The following SLC35A5 variants were observed in gnomAD, a reference collection of about 807,000 sequenced individuals.
SLC35A5 encodes the protein UDP-sugar transporter protein SLC35A5.
Under a neutral mutation model 36.3 loss-of-function variants are expected in SLC35A5, and 28 were observed. The ratio of observed to expected loss-of-function variants is 0.77; its 90% CI spans 0.57 to 1.06. The LOEUF is 1.06. SLC35A5 is among the 50% of genes least tolerant of loss of function. The pLI is 0.00. For missense variants in SLC35A5, 521 were observed against 499.3 expected, an observed-to-expected ratio of 1.04 and a Z score of -0.41; for synonymous variants, 180 against 173.7, an observed-to-expected ratio of 1.04 and a Z score of -0.29.
At chr3:112,564,793 G>T (rs369535380) in intron 2 of SLC35A5, among the ~76,000 whole-genome samples, 1 of 152,192 alleles carries the variant, frequency 6.6e-6, no homozygotes, top group Non-Finnish European at 1.5e-5. Context: ...TTAGGGAGTG[G>T]TGATGACTCT....
In SLC35A5 at chr3:112,563,407, G is replaced by C; in HGVS notation, c.4G>C (p.Glu2Gln). Residue 2 changes from glutamate to glutamine, a missense_variant, in exon 2 of 7, where the codon GAA becomes CAA. Physicochemically the swap from Glu to Gln is conservative, Grantham distance 29. Coordinates refer to ENST00000492406, the MANE Select transcript of SLC35A5 (RefSeq NM_017945.5). Reference sequence around the variant, plus strand: ...AAGGTAATTAAAAAACAGTGGAATGGAAAAACAGTGCTGTAGTCATCCTGT... The same window carrying C: ...AAGGTAATTAAAAAACAGTGGAATGCAAAAACAGTGCTGTAGTCATCCTGT... M[E>Q]KQCCSHPVIC... 6.6e-7 allele frequency: 1 copy of C among 1,508,230 alleles called. No individual in the cohort carries two copies. The allele number at this position is 1,508,230 out of a possible 1,614,324, so 93.4% of individuals were successfully genotyped here.
chr3:112,582,147 T>C (rs373013576), intron 6 of SLC35A5, among the ~76,000 whole-genome samples: 1 of 152,290 alleles, frequency 6.6e-6, no homozygotes, highest in East Asian at 1.9e-4. Flanking sequence ...CATTTCACTC[T>C]TTGGGAAAAA....
In SLC35A5 at chr3:112,580,734, CA is replaced by C. The variant is rs1469579349; in HGVS notation, c.618del (p.Ala207GlnfsTer31). 9 of 1,614,058 alleles carry C rather than the reference CA, an allele frequency of 5.6e-6. No homozygotes were observed. The East Asian group carries it at 1.8e-4, about 32-fold the overall frequency. On this transcript the variant is annotated frameshift_variant, in exon 6 of 7. Coordinates refer to ENST00000492406, the MANE Select transcript of SLC35A5 (RefSeq NM_017945.5). LOFTEE classifies it high-confidence loss of function. ...RSECPRKDNC[T>X]AKEWTFPEAK... is the part of the protein sequence containing the mutation. Reference sequence around the variant, plus strand: ...GAGTGTCCCAGAAAAGACAATTGTACAGCAAAGGAATGGACTTTTCCTGAAG... The same window carrying C: ...GAGTGTCCCAGAAAAGACAATTGTACGCAAAGGAATGGACTTTTCCTGAAG...
chr3:112,569,110 C>A, intron 2 of SLC35A5, 61 bp from the exon 3 acceptor site: 2 of 1,261,480 alleles, frequency 1.6e-6, no homozygotes, highest in Admixed American at 1.9e-5. Flanking sequence ...TTATGTTATA[C>A]TGTATATAAA....
chr3:112,580,629 T>C lies in SLC35A5; in HGVS notation c.512T>C (p.Leu171Ser), dbSNP rs377381804. The change falls in exon 6 of 7, where the codon TTA (leucine) becomes TCA (serine). Residue 171 changes from leucine (L) to serine (S), a missense_variant. Coordinates refer to ENST00000492406, the MANE Select transcript of SLC35A5 (RefSeq NM_017945.5). ...GCCTTGACTGCCGGGACTAAAACTT[T>C]ACAGCACAACTTGGCAGGACGTGGA... is the stretch of plus-strand genomic sequence containing the variant. Reference protein sequence around the residue: ...IVALTAGTKTLQHNLAGRGFH... With the variant: ...IVALTAGTKTSQHNLAGRGFH... 2 of 1,614,140 alleles carry C rather than the reference T, an allele frequency of 1.2e-6. No homozygotes were observed. Among genetic ancestry groups the C allele is most frequent in the Admixed American group, 1.7e-5 (1 of 60,024 alleles).
intron 1 of SLC35A5, among the ~76,000 whole-genome samples, chr3:112,562,710 A>G (rs1933981850): frequency 6.6e-6 from 1 of 152,344 alleles, no homozygotes; most frequent in East Asian, 1.9e-4. Context: ...CTCCGAGGGA[A>G]AAGAGGAGGA....
intron 4 of SLC35A5, 61 bp from the exon 5 acceptor site, chr3:112,573,828 A>G (rs753582946): frequency 5.3e-5 from 75 of 1,413,076 alleles, no homozygotes; most frequent in Non-Finnish European, 7.2e-5. Context: ...CTGCCAAGCT[A>G]AGACATTTCT....
intron 4 of SLC35A5, among the ~76,000 whole-genome samples, chr3:112,571,686 A>G (rs1934444275): frequency 6.6e-6 from 1 of 152,210 alleles, no homozygotes; most frequent in African/African-American, 2.4e-5. Context: ...CATGTCTTAC[A>G]TGGCAGCAGG....
chr3:112,566,659 A>G (rs1490821158), intron 2 of SLC35A5, among the ~76,000 whole-genome samples: 1 of 152,240 alleles, frequency 6.6e-6, no homozygotes, highest in African/African-American at 2.4e-5. Context: ...ACATCATGAT[A>G]AGCTAAAGAT....
chr3:112,561,480 C>G, upstream of SLC35A5: 1 of 1,613,444 alleles, frequency 6.2e-7, no homozygotes, highest in Non-Finnish European at 8.5e-7. Flanking sequence ...GTCAGGTACT[C>G]AGCCACTTCC....
chr3:112,574,020 T>A, intron 5 of SLC35A5, 64 bp downstream of exon 5: 1 of 1,396,130 alleles, frequency 7.2e-7, no homozygotes, highest in South Asian at 1.2e-5. Flanking sequence ...TTTCAAATGA[T>A]ATACCCAGAA....
At position 112,573,835 on chromosome 3, in the gene SLC35A5, T is replaced by C. The variant is rs183510510; in HGVS notation, c.361-54T>C. On this transcript the variant is annotated intron_variant, in intron 4 of 6. Transcript: ENST00000492406. The stretch of plus-strand genomic sequence containing the variant: ...CAGGTGAACTGCCAAGCTAAGACAT[T>C]TCTGAGGTCAGTACTTCATTTGGAT... 8.0e-5 allele frequency: 118 copies of C among 1,468,470 alleles called. No individual in the cohort carries two copies. In the East Asian group the frequency reaches 2.3e-3, roughly 28 times the overall value. The allele number at this position is 1,468,470 out of a possible 1,614,324, so 91.0% of individuals were successfully genotyped here. A position where few individuals can be genotyped will look rare whatever the true frequency, so the allele number is the denominator to read the frequency against.
rs1173349117 is a variant in SLC35A5 at position 112,584,280 on chromosome 3, A to G, written c.*1544A>G. On this transcript the variant is annotated 3_prime_UTR_variant, in exon 7 of 7. Coordinates refer to ENST00000492406, the MANE Select transcript of SLC35A5 (RefSeq NM_017945.5). ...TCTCTTTAAGTAGATCTTTACTTCT[A>G]ACAATAACAAAGGCATTTTCATCAG... 1 of 152,216 alleles carries G rather than the reference A, an allele frequency of 6.6e-6. No individual in the cohort carries two copies. Among genetic ancestry groups the G allele is most frequent in the Non-Finnish European group, 1.5e-5 (1 of 68,032 alleles). The allele number at this position is 152,216 out of a possible 1,614,324, so 9.4% of individuals were successfully genotyped here.
rs898547017 is a variant in SLC35A5, at chr3:112,581,276, C to G, written c.1159C>G (p.Gln387Glu). 5 of 1,613,050 alleles carry G rather than the reference C, an allele frequency of 3.1e-6. No homozygotes were observed. Among genetic ancestry groups the G allele is most frequent in the African/African-American group, 2.7e-5 (2 of 74,758 alleles). ...KPQVPEYAPRQERIRDLSGNL... is the reference protein window; with the variant it reads ...KPQVPEYAPREERIRDLSGNL... ...TCAAGTTCCGGAATACGCACCTAGG[C>G]AAGAAAGGATCCGAGATCTAAGTGG... The change falls in exon 6 of 7, where the codon CAA (glutamine) becomes GAA (glutamate). Residue 387 changes from glutamine (Q) to glutamate (E), a missense_variant. Physicochemically the swap from Gln to Glu is conservative, Grantham distance 29. Transcript: ENST00000492406.
At chr3:112,572,639 A>G (rs1410657421) in intron 4 of SLC35A5, among the ~76,000 whole-genome samples, 1 of 152,206 alleles carries the variant, frequency 6.6e-6, no homozygotes, top group Non-Finnish European at 1.5e-5. Context: ...CTGATTGTGA[A>G]CAACCATATA....
At chr3:112,561,849 T>TTTTTTCATGCTACGG, upstream of SLC35A5, 1 of 360,680 alleles carries the variant, frequency 2.8e-6, no homozygotes, top group Non-Finnish European at 5.1e-6. Context: ...CACGCACCCC[T>TTTTTTCATGCTACGG]CGCCCTCTGC....
intron 4 of SLC35A5, among the ~76,000 whole-genome samples, chr3:112,573,130 G>A (rs571065827): frequency 2.0e-5 from 3 of 152,178 alleles, no homozygotes; most frequent in South Asian, 2.1e-4. Flanking sequence ...ATCTTTTGGG[G>A]TTTAATCACC....
At chr3:112,576,534 A>G (rs1405348750) in intron 5 of SLC35A5, among the ~76,000 whole-genome samples, 2 of 152,140 alleles carry the variant, frequency 1.3e-5, no homozygotes, top group African/African-American at 4.8e-5. Context: ...AGTCCATTAA[A>G]CAACTCTCCT....
upstream of SLC35A5, chr3:112,561,808 G>C (rs1361887502): frequency 8.9e-6 from 4 of 449,122 alleles, no homozygotes; most frequent in East Asian, 1.8e-4. Flanking sequence ...CAGCGGGGCC[G>C]AAGGGAGACC....
Sources: allele counts gnomAD v4.1 joint callset (sites outside exome capture counted in the v4.1 genomes callset), GRCh38; gene constraint gnomAD v4.1.1; transcripts MANE v1.5; gene names NCBI Gene and HGNC (gene_info 2026-07-23, HGNC 2026-07-21).